The following TNNI3K variants were observed in gnomAD, a reference collection of about 807,000 sequenced individuals.
TNNI3K encodes the protein TNNI3 interacting kinase.
In TNNI3K, 140 loss-of-function variants were observed where a neutral mutation model predicts 114.5. That is an observed-to-expected ratio of 1.22 (90% CI 1.07 to 1.41). TNNI3K has a LOEUF of 1.41. Ranked by LOEUF, TNNI3K falls within the 40% of genes most tolerant of loss-of-function variation. The pLI is 0.00. For synonymous variants in TNNI3K, 347 were observed against 347.5 expected (o/e 1.00, Z 0.02); for missense variants, 1,125 against 1,007.6 (o/e 1.12, Z -1.58).
At chr1:74,503,105 A>G (rs766388940) in intron 23 of TNNI3K, among the ~76,000 whole-genome samples, 16 of 152,172 alleles carry the variant, frequency 1.1e-4, no homozygotes, top group Non-Finnish European at 2.2e-4. Context: ...GTGGTAGCCA[A>G]ATGCAGTCAA....
chr1:74,421,897 A>G (rs1412318789), intron 17 of TNNI3K, among the ~76,000 whole-genome samples: 1 of 151,824 alleles, frequency 6.6e-6, no homozygotes, highest in African/African-American at 2.4e-5. Context: ...TTAAAATTTG[A>G]AAAACCAAGA....
chr1:74,242,338 T>TA (rs1446409257), intron 2 of TNNI3K, among the ~76,000 whole-genome samples: 6 of 152,068 alleles, frequency 3.9e-5, no homozygotes, highest in Non-Finnish European at 7.4e-5. Flanking sequence ...ATAGAGGAAA[T>TA]AAAAAAATGT....
chr1:74,436,333 T>C, intron 18 of TNNI3K, 141 bp from the exon 19 acceptor site: 2 of 1,221,620 alleles, frequency 1.6e-6, no homozygotes, highest in South Asian at 3.3e-5. Flanking sequence ...GTTTTTCTTC[T>C]TTCTTATCTC....
intron 20 of TNNI3K, among the ~76,000 whole-genome samples, chr1:74,462,878 T>A (rs561979592): frequency 2.0e-5 from 3 of 152,288 alleles, no homozygotes; most frequent in South Asian, 2.1e-4. Context: ...AAAATAAAGA[T>A]GTGAAGTGTC....
intron 11 of TNNI3K, among the ~76,000 whole-genome samples, chr1:74,359,200 C>T (rs1230036830): frequency 5.3e-5 from 8 of 151,894 alleles, no homozygotes; most frequent in Non-Finnish European, 2.9e-5. Flanking sequence ...TCAGCATTTA[C>T]CCTCAAATTC....
chr1:74,444,984 C>A (rs1430824387), intron 20 of TNNI3K, among the ~76,000 whole-genome samples: 1 of 152,054 alleles, frequency 6.6e-6, no homozygotes, highest in African/African-American at 2.4e-5. Flanking sequence ...TAGCCATATG[C>A]AGAAAACTGA....
At chr1:74,277,334 A>G (rs1162655989) in intron 5 of TNNI3K, among the ~76,000 whole-genome samples, 3 of 152,160 alleles carry the variant, frequency 2.0e-5, no homozygotes, top group East Asian at 3.8e-4. Flanking sequence ...GTAGTCTTAT[A>G]CATAAAAGAG....
At chr1:74,530,709 C>T (rs1274962977) in intron 23 of TNNI3K, among the ~76,000 whole-genome samples, 2 of 141,180 alleles carry the variant, frequency 1.4e-5, no homozygotes, top group Non-Finnish European at 1.5e-5. Context: ...GTCATGCTAC[C>T]AAGAACTCAA....
intron 2 of TNNI3K, among the ~76,000 whole-genome samples, chr1:74,242,552 A>G (rs1654303992): frequency 6.6e-6 from 1 of 152,216 alleles, no homozygotes; most frequent in Non-Finnish European, 1.5e-5. Context: ...CCTTTCTGTC[A>G]AACTACTAAG....
chr1:74,298,691 A>G (rs893502211), intron 5 of TNNI3K, among the ~76,000 whole-genome samples: 1 of 152,088 alleles, frequency 6.6e-6, no homozygotes, highest in Non-Finnish European at 1.5e-5. Flanking sequence ...CCTCTTTCAC[A>G]CATACTATAT....
intron 5 of TNNI3K, among the ~76,000 whole-genome samples, chr1:74,299,421 C>CT (rs11376666): frequency 0.99 from 150,772 of 152,140 alleles, 74,727 homozygotes; most frequent in Middle Eastern, 1. Flanking sequence ...TCTTGAAAGA[C>CT]TTTTTTGATA....
chr1:74,379,334 C>T (rs960826308), intron 17 of TNNI3K, among the ~76,000 whole-genome samples: 14 of 30,758 alleles, frequency 4.6e-4, no homozygotes, highest in South Asian at 2.4e-3. Context: ...CATACACGCG[C>T]GCACACACAC....
chr1:74,536,888 G>A (rs967724083), intron 23 of TNNI3K, among the ~76,000 whole-genome samples: 7 of 152,134 alleles, frequency 4.6e-5, no homozygotes, highest in African/African-American at 1.2e-4. Flanking sequence ...TCAGCAAATA[G>A]AGGTCCTGAT....
At chr1:74,465,917 C>T (rs922755214) in intron 21 of TNNI3K, among the ~76,000 whole-genome samples, 14 of 152,140 alleles carry the variant, frequency 9.2e-5, no homozygotes, top group African/African-American at 3.1e-4. Flanking sequence ...AAGCAGGGTG[C>T]CCAAGCCAGC....
At chr1:74,424,649 G>A (rs1665545498) in intron 17 of TNNI3K, among the ~76,000 whole-genome samples, 2 of 151,280 alleles carry the variant, frequency 1.3e-5, no homozygotes, top group Admixed American at 1.3e-4. Context: ...AACCCAGGAG[G>A]CGGAGGCTGC....
At chr1:74,273,929 T>G (rs1656508800) in intron 5 of TNNI3K, among the ~76,000 whole-genome samples, 1 of 151,860 alleles carries the variant, frequency 6.6e-6, no homozygotes, top group Non-Finnish European at 1.5e-5. Context: ...ATATTCAAAA[T>G]GAATATTTTT....
chr1:74,368,913 A>G, intron 13 of TNNI3K, 109 bp from the exon 14 acceptor site: 5 of 956,342 alleles, frequency 5.2e-6, no homozygotes, highest in Non-Finnish European at 7.4e-6. Context: ...TTAAAAATTA[A>G]ATGTTATTAG....
intron 5 of TNNI3K, among the ~76,000 whole-genome samples, chr1:74,290,883 AATGTAGGAT>A (rs1657635885): frequency 6.6e-6 from 1 of 151,738 alleles, no homozygotes; most frequent in African/African-American, 2.4e-5. Flanking sequence ...GTCTTTTTCA[AATGTAGGAT>A]CACACTAAAT....
intron 23 of TNNI3K, among the ~76,000 whole-genome samples, chr1:74,537,816 G>A (rs12041852): frequency 0.41 from 61,966 of 151,852 alleles, 14,997 homozygotes; most frequent in Non-Finnish European, 0.56. Flanking sequence ...TTTTCAAGAG[G>A]GCTTCAAGGA....
Sources: allele counts gnomAD v4.1 joint callset (sites outside exome capture counted in the v4.1 genomes callset), GRCh38; gene constraint gnomAD v4.1.1; transcripts MANE v1.5; gene names NCBI Gene and HGNC (gene_info 2026-07-23, HGNC 2026-07-21).